PPM1K: variants seen among roughly 807,000 people sequenced by gnomAD.
PPM1K encodes protein phosphatase Mn(2+)-dependent 1K.
Under a neutral mutation model 32.6 loss-of-function variants are expected in PPM1K, and 19 were observed. The observed-to-expected ratio is 0.58, with a 90% CI of 0.41 to 0.86. PPM1K has a LOEUF of 0.86. Among genes scored for constraint, PPM1K ranks in the 40% least tolerant of loss-of-function variants. PPM1K has a pLI of 0.00. For synonymous variants in PPM1K, 159 were observed against 165.3 expected (o/e 0.96, Z 0.29); for missense variants, 362 against 461.2 (o/e 0.78, Z 1.97).
In PPM1K at chr4:88,263,164, T is replaced by C. The variant is rs186723166; in HGVS notation, c.988-438A>G. 6.1e-3 allele frequency among the ~76,000 whole-genome samples: 924 copies of C among 152,174 alleles called. 9 individuals carry two copies. The highest frequency in any genetic ancestry group is 0.02 in the African/African-American group (816 of 41,506). Reference sequence around the variant, plus strand: ...CCTAATGGAATAAAAACCTTGGAAATTGAAAGACAAAAAAACTAGCCATAA... The same window carrying C: ...CCTAATGGAATAAAAACCTTGGAAACTGAAAGACAAAAAAACTAGCCATAA... On this transcript the variant is annotated intron_variant, in intron 6 of 6. Coordinates refer to ENST00000608933, the MANE Select transcript of PPM1K (RefSeq NM_152542.5).
Position 88,268,219 on chromosome 4 carries a change from T to C in PPM1K, c.823A>G (p.Ile275Val). The C allele has an allele frequency of 6.2e-7, 1 of 1,614,192 alleles. No individual in the cohort carries two copies. The highest frequency in any genetic ancestry group is 8.5e-7 in the Non-Finnish European group (1 of 1,180,016). The change falls in exon 5 of 7, where the codon ATA becomes GTA. Residue 275 changes from isoleucine to valine, a missense_variant. Physicochemically the swap from Ile to Val is conservative, Grantham distance 29. Coordinates refer to ENST00000608933, the MANE Select transcript of PPM1K (RefSeq NM_152542.5). ...ATCCTCTTAGTTTCAGGTTCTGCTA[T>C]GACACCACTGGTCTTAAGGTCCAAA... Reference protein sequence around the residue: ...GDLDLKTSGVIAEPETKRIKL... With the variant: ...GDLDLKTSGVVAEPETKRIKL...
rs544336966 is a variant in PPM1K at position 88,271,381 on chromosome 4, C to T, written c.542-2475G>A. Among the ~76,000 whole-genome samples, 6 of 152,278 alleles carry T rather than the reference C, an allele frequency of 3.9e-5. No homozygotes were observed. The South Asian group carries it at 1.2e-3, about 32-fold the overall frequency. Reference sequence around the variant, plus strand: ...AGATGCCAAATCAATTATTCCAAAACTCAGTTTGTTCCAGTTGATGGTATT... The same window carrying T: ...AGATGCCAAATCAATTATTCCAAAATTCAGTTTGTTCCAGTTGATGGTATT... On this transcript the variant is annotated intron_variant, in intron 3 of 6. Transcript: ENST00000608933.
chr4:88,268,666 C>T lies in PPM1K; in HGVS notation c.707+75G>A, dbSNP rs922125479. 7 of 1,392,914 alleles carry T rather than the reference C, an allele frequency of 5.0e-6. No individual in the cohort carries two copies. In the African/African-American group the frequency reaches 7.2e-5, roughly 14 times the overall value. 86.3% of individuals were successfully genotyped at this position (1,392,914 alleles called of 1,614,324 possible). A position where few individuals can be genotyped will look rare whatever the true frequency, so the allele number is the denominator to read the frequency against. ...AAGTCACTGTTAAACTTAACCATGA[C>T]ATCAGTTTAAAAACTATTATGAACT... is the stretch of plus-strand genomic sequence containing the variant. On this transcript the variant is annotated intron_variant, in intron 4 of 6. Coordinates refer to ENST00000608933, the MANE Select transcript of PPM1K (RefSeq NM_152542.5).
intron 1 of PPM1K, chr4:88,284,118 C>G (rs1322080639): frequency 2.6e-5 from 4 of 151,672 alleles, no homozygotes; most frequent in Admixed American, 6.6e-5. Context: ...CAAGGCCGAG[C>G]GCAGTCTGGG....
At chr4:88,271,452 T>G (rs1361889387) in intron 3 of PPM1K, among the ~76,000 whole-genome samples, 2 of 152,210 alleles carry the variant, frequency 1.3e-5, no homozygotes, top group African/African-American at 4.8e-5. Context: ...ACTTCTTTCT[T>G]AATTTTGTGG....
rs971823207 is a variant in PPM1K at position 88,257,719 on chromosome 4, T to C, written c.*4876A>G. 21 of 152,204 alleles carry C rather than the reference T, an allele frequency of 1.4e-4. No homozygotes were observed. The highest frequency in any genetic ancestry group is 4.8e-4 in the African/African-American group (20 of 41,454). The allele number at this position is 152,204 out of a possible 1,614,324, so 9.4% of individuals were successfully genotyped here. A position where few individuals can be genotyped will look rare whatever the true frequency, so the allele number is the denominator to read the frequency against. ...ACTCTAGTACACAGATTTAAAACAA[T>C]GGTCAAAGCAGCAATTACATTAACT... On this transcript the variant is annotated 3_prime_UTR_variant, in exon 7 of 7. Coordinates refer to ENST00000608933, the MANE Select transcript of PPM1K (RefSeq NM_152542.5).
At chr4:88,283,993 C>G (rs1732128085) in intron 1 of PPM1K, 2 of 152,342 alleles carry the variant, frequency 1.3e-5, no homozygotes, top group African/African-American at 4.8e-5. Flanking sequence ...GGAGGCAACG[C>G]GGCACCCACC....
chr4:88,268,942 G>C, intron 3 of PPM1K, 36 bp from the exon 4 acceptor site: 13 of 1,538,722 alleles, frequency 8.4e-6, no homozygotes, highest in Non-Finnish European at 1.1e-5. Flanking sequence ...ACAAGTTAGT[G>C]ACAGTCAAAT....
At chr4:88,270,683 T>C (rs1304791579) in intron 3 of PPM1K, among the ~76,000 whole-genome samples, 3 of 152,226 alleles carry the variant, frequency 2.0e-5, no homozygotes, top group Non-Finnish European at 4.4e-5. Context: ...TGGTTTATTA[T>C]TGGCCACAGT....
At position 88,278,863 on chromosome 4, in the gene PPM1K, G is replaced by C; in HGVS notation, c.-59-221C>G. On this transcript the variant is annotated intron_variant, in intron 1 of 6. Transcript: ENST00000608933. The surrounding 1 kb of genome is among the most constrained non-coding windows in gnomAD (Gnocchi z 4.2). The stretch of plus-strand genomic sequence containing the variant: ...CAGTAGCCTGCTTCTAAGAACAGTG[G>C]ATCAAAAATGAATCGATTTTCCTAC... 1 of 353,002 alleles carries C rather than the reference G, an allele frequency of 2.8e-6. No individual in the cohort carries two copies. Among genetic ancestry groups the C allele is most frequent in the Non-Finnish European group, 5.2e-6 (1 of 193,508 alleles). The allele number at this position is 353,002 out of a possible 1,614,324, so 21.9% of individuals were successfully genotyped here.
In PPM1K at chr4:88,277,244, CTT is replaced by C. The variant is rs1194031388; in HGVS notation, c.441-3_441-2del. On this transcript the variant is annotated splice_acceptor_variant and splice_polypyrimidine_tract_variant and intron_variant, in intron 2 of 6. Transcript: ENST00000608933. LOFTEE classifies it high-confidence loss of function. ...GTTCTTCTCCTTAGGAAGCAAATCC[CTT>C]TGTGGGGAGGAAAAAAAGAGCCTTA... 6.2e-7 allele frequency: 1 copy of C among 1,606,378 alleles called. No homozygotes were observed. The highest frequency in any genetic ancestry group is 1.1e-5 in the South Asian group (1 of 90,924).
rs1413129798 is a variant in PPM1K, at chr4:88,260,950, T to C, written c.*1645A>G. 6.6e-6 allele frequency: 1 copy of C among 152,184 alleles called. No homozygotes were observed. The highest frequency in any genetic ancestry group is 1.5e-5 in the Non-Finnish European group (1 of 68,036). The allele number at this position is 152,184 out of a possible 1,614,324, so 9.4% of individuals were successfully genotyped here. A position where few individuals can be genotyped will look rare whatever the true frequency, so the allele number is the denominator to read the frequency against. ...CTCATCTGCTGATAATCACTGGGTC[T>C]CCACTATAAGAAAATTGCCCCTAGT... On this transcript the variant is annotated 3_prime_UTR_variant, in exon 7 of 7. Coordinates refer to ENST00000608933, the MANE Select transcript of PPM1K (RefSeq NM_152542.5).
At chr4:88,270,359 T>C (rs1172224526) in intron 3 of PPM1K, among the ~76,000 whole-genome samples, 1 of 152,226 alleles carries the variant, frequency 6.6e-6, no homozygotes, top group African/African-American at 2.4e-5. Context: ...TATCTTTCCA[T>C]TTTTCTCTTG....
chr4:88,270,494 C>A (rs1731515440), intron 3 of PPM1K, among the ~76,000 whole-genome samples: 1 of 151,844 alleles, frequency 6.6e-6, no homozygotes, highest in African/African-American at 2.4e-5. Flanking sequence ...TAACTCGTAA[C>A]TTTAAATTAC....
intron 1 of PPM1K, chr4:88,279,732 A>C (rs1245109930): frequency 1.3e-5 from 2 of 152,178 alleles, no homozygotes; most frequent in African/African-American, 4.8e-5. Flanking sequence ...CAAATAAAAA[A>C]TTTGTCTCCA....
chr4:88,278,708 G>T lies in PPM1K; in HGVS notation c.-59-66C>A. 1.4e-6 allele frequency: 1 copy of T among 700,324 alleles called. No homozygotes were observed. Among genetic ancestry groups the T allele is most frequent in the South Asian group, 1.9e-5 (1 of 51,406 alleles). The allele number at this position is 700,324 out of a possible 1,614,324, so 43.4% of individuals were successfully genotyped here. ...AGAGGGGCAGAGGAGGAGAGGGAGA[G>T]AGACAGAGAGAGAGAGACCATCAGA... is the stretch of plus-strand genomic sequence containing the variant. On this transcript the variant is annotated intron_variant, in intron 1 of 6. Transcript: ENST00000608933. This position sits in a 1 kb window ranked among gnomAD's most constrained non-coding sequence, Gnocchi z 4.2.
At position 88,262,732 on chromosome 4, in the gene PPM1K, A is replaced by G. The variant is rs748303429; in HGVS notation, c.988-6T>C. 1.9e-6 allele frequency: 3 copies of G among 1,592,410 alleles called. No individual in the cohort carries two copies. Among genetic ancestry groups the G allele is most frequent in the East Asian group, 2.3e-5 (1 of 44,048 alleles). ...TCAGTACCGTACTGTATTGCCTGCA[A>G]GGTTTGGCAGGAAGAAAGAGAAAAA... On this transcript the variant is annotated splice_polypyrimidine_tract_variant and splice_region_variant and intron_variant, in intron 6 of 6. Coordinates refer to ENST00000608933, the MANE Select transcript of PPM1K (RefSeq NM_152542.5).
intron 3 of PPM1K, chr4:88,271,046 T>A (rs1731537980): frequency 1.9e-6 from 1 of 517,916 alleles, no homozygotes; most frequent in African/African-American, 1.9e-5. Flanking sequence ...GACAAAGAGA[T>A]GTGGGAACCT....
intron 5 of PPM1K, among the ~76,000 whole-genome samples, chr4:88,266,653 TGCTG>T (rs1456376649): frequency 2.9e-5 from 4 of 137,948 alleles, no homozygotes; most frequent in African/African-American, 5.6e-5. Flanking sequence ...GTGCAGGTGA[TGCTG>T]GCTGATTGGG....
Sources: allele counts gnomAD v4.1 joint callset (sites outside exome capture counted in the v4.1 genomes callset), GRCh38; gene constraint gnomAD v4.1.1; non-coding constraint Gnocchi (gnomAD v3.1); transcripts MANE v1.5; gene names NCBI Gene and HGNC (gene_info 2026-07-23, HGNC 2026-07-21).